The following ARID5B variants were observed in gnomAD, a reference collection of about 807,000 sequenced individuals.
ARID5B encodes the protein AT-rich interactive domain-containing protein 5B.
A neutral mutation model predicts 97.2 loss-of-function variants in ARID5B; 13 were observed. The observed-to-expected ratio is 0.13, with a 90% CI of 0.09 to 0.21. The LOEUF (loss-of-function observed/expected upper bound fraction) is 0.21. Among genes scored for constraint, ARID5B ranks in the 10% least tolerant of loss-of-function variants. ARID5B has a pLI of 1.00. For synonymous variants in ARID5B, 556 were observed against 570.3 expected, an observed-to-expected ratio of 0.97 and a Z score of 0.36; for missense variants, 1,210 against 1,465.3, an observed-to-expected ratio of 0.83 and a Z score of 2.84.
chr10:61,961,477 G>A (rs1481787008), intron 3 of ARID5B, among the ~76,000 whole-genome samples: 1 of 152,178 alleles, frequency 6.6e-6, no homozygotes, highest in African/African-American at 2.4e-5. Context: ...GCTAGAAAGG[G>A]TTGGAACCGG....
intron 4 of ARID5B, among the ~76,000 whole-genome samples, chr10:62,033,981 C>G (rs777815759): frequency 6.6e-6 from 1 of 152,160 alleles, no homozygotes; most frequent in East Asian, 1.9e-4. Context: ...GCAATTTTGC[C>G]AACTTCACCA....
intron 8 of ARID5B, among the ~76,000 whole-genome samples, chr10:62,070,504 T>G (rs1840049776): frequency 6.6e-6 from 1 of 152,272 alleles, no homozygotes; most frequent in Non-Finnish European, 1.5e-5. Flanking sequence ...TTTAGGTCAT[T>G]ACCAACTTCC....
At chr10:61,931,567 A>T (rs1000218528) in intron 2 of ARID5B, among the ~76,000 whole-genome samples, 2 of 152,222 alleles carry the variant, frequency 1.3e-5, no homozygotes, top group Admixed American at 1.3e-4. Flanking sequence ...ATTTTAAAAC[A>T]AGCTACAAAA....
intron 2 of ARID5B, among the ~76,000 whole-genome samples, chr10:61,930,461 C>T (rs1327273691): frequency 6.6e-6 from 1 of 152,082 alleles, no homozygotes; most frequent in African/African-American, 2.4e-5. Flanking sequence ...TGGCTCACAC[C>T]TGTAATCCTA....
In ARID5B at chr10:61,975,908, T is replaced by A. The variant is rs554851059; in HGVS notation, c.503-24183T>A. On this transcript the variant is annotated intron_variant, in intron 3 of 9. Coordinates refer to ENST00000279873, the MANE Select transcript of ARID5B (RefSeq NM_032199.3). Reference sequence around the variant, plus strand: ...TTCCAATTATAGCTATTTCTTTGTATTTATTACTTCTTCCTTGTCTAATTC... The same window carrying A: ...TTCCAATTATAGCTATTTCTTTGTAATTATTACTTCTTCCTTGTCTAATTC... 3.0e-4 allele frequency among the ~76,000 whole-genome samples: 46 copies of A among 152,332 alleles called. 1 individual carries two copies. Among genetic ancestry groups the A allele is most frequent in the African/African-American group, 1.1e-3 (45 of 41,568 alleles).
chr10:61,927,927 G>A (rs902716076), intron 2 of ARID5B, among the ~76,000 whole-genome samples: 5 of 152,164 alleles, frequency 3.3e-5, no homozygotes, highest in Non-Finnish European at 5.9e-5. Flanking sequence ...TTCTGCCCTG[G>A]GAGGCTGACC....
At chr10:61,948,298 C>CG (rs1838269506) in intron 3 of ARID5B, among the ~76,000 whole-genome samples, 1 of 151,594 alleles carries the variant, frequency 6.6e-6, no homozygotes, top group African/African-American at 2.4e-5. Flanking sequence ...GTCGTCAGGC[C>CG]TCTCTTTTCA....
intron 3 of ARID5B, among the ~76,000 whole-genome samples, chr10:61,955,009 A>C (rs908347411): frequency 2.6e-5 from 4 of 151,750 alleles, no homozygotes; most frequent in African/African-American, 9.7e-5. Context: ...TCCATCTCAA[A>C]AAAAAAAAAA....
In ARID5B at chr10:62,092,765, A is replaced by G. The variant is rs1377220137; in HGVS notation, c.3302A>G (p.His1101Arg). ...TCCAGGCTCCCGGCTGGGTATTCTC[A>G]TTCTCTGCAGTACTTGAAAAACCAG... ...LNSRLPAGYS[H>R]SLQYLKNQTV... is the part of the protein sequence containing the mutation. The change falls in exon 10 of 10, where the codon CAT becomes CGT. Residue 1101 changes from histidine (H) to arginine (R), a missense_variant. Physicochemically the swap from His to Arg is conservative, Grantham distance 29. Coordinates refer to ENST00000279873, the MANE Select transcript of ARID5B (RefSeq NM_032199.3). 1 of 1,614,070 alleles carries G rather than the reference A, an allele frequency of 6.2e-7. No individual in the cohort carries two copies. Among genetic ancestry groups the G allele is most frequent in the Non-Finnish European group, 8.5e-7 (1 of 1,179,992 alleles).
At chr10:62,018,662 T>G (rs560023623) in intron 4 of ARID5B, among the ~76,000 whole-genome samples, 1 of 139,088 alleles carries the variant, frequency 7.2e-6, no homozygotes, top group Admixed American at 7.9e-5. Flanking sequence ...TTTTTGTGGG[T>G]GTTCAGATAC....
rs541474826 is a variant in ARID5B at position 61,962,242 on chromosome 10, AC to A, written c.502+21839del. Among the ~76,000 whole-genome samples, 25 of 152,222 alleles carry A rather than the reference AC, an allele frequency of 1.6e-4. No homozygotes were observed. In the East Asian group the frequency reaches 4.6e-3, roughly 28 times the overall value. ...CCTTCGGATTGTCTGCATTGGAACA[AC>A]CCCCTTGCCCAAGCACTGAGCTTAA... On this transcript the variant is annotated intron_variant, in intron 3 of 9. Coordinates refer to ENST00000279873, the MANE Select transcript of ARID5B (RefSeq NM_032199.3).
chr10:62,081,722 G>T (rs1840216326), intron 8 of ARID5B, among the ~76,000 whole-genome samples: 1 of 152,140 alleles, frequency 6.6e-6, no homozygotes, highest in South Asian at 2.1e-4. Context: ...GGGAGAAAGA[G>T]TTGGCAGGTT....
intron 3 of ARID5B, among the ~76,000 whole-genome samples, chr10:61,981,468 G>A (rs1838775871): frequency 6.6e-6 from 1 of 152,062 alleles, no homozygotes; most frequent in South Asian, 2.1e-4. Context: ...TTTTAATAGA[G>A]ACAGGGTTTT....
chr10:61,954,274 T>G (rs1838361550), intron 3 of ARID5B, among the ~76,000 whole-genome samples: 2 of 151,896 alleles, frequency 1.3e-5, no homozygotes, highest in Admixed American at 1.3e-4. Flanking sequence ...GGAGAATCAC[T>G]TGAACCTGGG....
chr10:62,087,654 T>A (rs1424868336), intron 9 of ARID5B, among the ~76,000 whole-genome samples: 1 of 151,874 alleles, frequency 6.6e-6, no homozygotes, highest in Non-Finnish European at 1.5e-5. Context: ...AATGAACACA[T>A]AAGAGGCTCC....
Position 62,092,493 on chromosome 10 carries a change from G to A in ARID5B, c.3030G>A (p.Arg1010=), listed in dbSNP as rs776037183. The A allele has an allele frequency of 6.2e-7, 1 of 1,614,172 alleles. No homozygotes were observed. Among genetic ancestry groups the A allele is most frequent in the Admixed American group, 1.7e-5 (1 of 60,020 alleles). The part of the protein sequence containing the change: ...KMSPQNIGAA[R]PIKRSLEDLD... ...GCCCGCAGAACATTGGGGCGGCGCG[G>A]CCGATCAAGCGCAGCCTGGAGGATT... The change falls in exon 10 of 10, where the codon CGG becomes CGA. Residue 1010 remains arginine, a synonymous_variant. Coordinates refer to ENST00000279873, the MANE Select transcript of ARID5B (RefSeq NM_032199.3).
At chr10:62,028,015 A>G (rs897602051) in intron 4 of ARID5B, among the ~76,000 whole-genome samples, 2 of 152,210 alleles carry the variant, frequency 1.3e-5, no homozygotes, top group Non-Finnish European at 2.9e-5. Flanking sequence ...GCATCTGCTT[A>G]TCCTAGGTAG....
rs375602568 is a variant in ARID5B, at chr10:61,912,245, A to T, written c.276+9832A>T. Among the ~76,000 whole-genome samples the T allele has an allele frequency of 1.3e-4, 20 of 152,328 alleles. 1 individual carries two copies. The highest frequency in any genetic ancestry group is 4.8e-4 in the African/African-American group (20 of 41,580). The stretch of plus-strand genomic sequence containing the variant: ...TGTGTATTCTTCTTAAGGGAGGAAT[A>T]TGTTTTTAAAATGTGTATATATAGG... On this transcript the variant is annotated intron_variant, in intron 2 of 9. Coordinates refer to ENST00000279873, the MANE Select transcript of ARID5B (RefSeq NM_032199.3).
intron 4 of ARID5B, among the ~76,000 whole-genome samples, chr10:62,001,260 C>T (rs950712830): frequency 7.2e-5 from 11 of 152,180 alleles, no homozygotes; most frequent in South Asian, 2.1e-4. Flanking sequence ...TACTTAGAGG[C>T]GTGAACCCCT....
Sources: gnomAD v4.1 joint callset for allele counts (sites outside exome capture counted in the v4.1 genomes callset) on GRCh38, gnomAD v4.1.1 for gene constraint, MANE v1.5 for transcripts, NCBI Gene and HGNC (gene_info 2026-07-23, HGNC 2026-07-21) for gene names.